Variants in CTNND2 observed in about 807,000 individuals in gnomAD.
CTNND2 encodes catenin delta-2.
CTNND2 carries 22 observed loss-of-function variants against 144.4 expected under a neutral mutation model. That is an observed-to-expected ratio of 0.15 (90% CI 0.11 to 0.22). CTNND2 has a LOEUF of 0.22. Ranked by LOEUF, CTNND2 falls within the 10% of genes least tolerant of loss-of-function variation. The pLI, the probability that CTNND2 is intolerant of heterozygous loss-of-function variation, is 1.00. For synonymous variants in CTNND2, 751 were observed against 695.6 expected (o/e 1.08, Z -1.25); for missense variants, 1,353 against 1,618.8 (o/e 0.84, Z 2.82).
chr5:11,592,999 G>A (rs1306874866), intron 2 of CTNND2, among the ~76,000 whole-genome samples: 1 of 151,882 alleles, frequency 6.6e-6, no homozygotes, highest in African/African-American at 2.4e-5. Context: ...GCAGTGCAGA[G>A]GGAAAGATAG....
chr5:11,110,401 C>A (rs1304004767), intron 14 of CTNND2, among the ~76,000 whole-genome samples: 2 of 152,174 alleles, frequency 1.3e-5, no homozygotes, highest in African/African-American at 2.4e-5. Flanking sequence ...AAGTGTGAGA[C>A]TGAAAATCTA....
intron 9 of CTNND2, among the ~76,000 whole-genome samples, chr5:11,336,366 CTATTAAA>C (rs1753726072): frequency 6.6e-6 from 1 of 152,094 alleles, no homozygotes; most frequent in Non-Finnish European, 1.5e-5. Flanking sequence ...ATGTGGATGC[CTATTAAA>C]TACATAAACA....
In CTNND2 at chr5:11,443,236, A is replaced by C. The variant is rs1244463555; in HGVS notation, c.288-31167T>G. On this transcript the variant is annotated intron_variant, in intron 3 of 21. Coordinates refer to ENST00000304623, the MANE Select transcript of CTNND2 (RefSeq NM_001332.4). Reference sequence around the variant, plus strand: ...TGTGTGTGGTGTGTATGTGTGTGTGATGTGTGTGTGTGTGTGCTGTGTGTG... The same window carrying C: ...TGTGTGTGGTGTGTATGTGTGTGTGCTGTGTGTGTGTGTGTGCTGTGTGTG... 1.4e-4 allele frequency among the ~76,000 whole-genome samples: 11 copies of C among 79,380 alleles called. No individual in the cohort carries two copies. The East Asian group carries it at 2.6e-3, about 19-fold the overall frequency. 52.1% of individuals were successfully genotyped at this position (79,380 alleles called of 152,430 possible).
chr5:11,185,701 CA>C (rs1735559605), intron 11 of CTNND2, among the ~76,000 whole-genome samples: 5 of 152,090 alleles, frequency 3.3e-5, no homozygotes, highest in Admixed American at 3.3e-4. Flanking sequence ...AACGGATAAC[CA>C]AAAAGGAAGT....
At chr5:11,169,837 T>C (rs1366089364) in intron 11 of CTNND2, among the ~76,000 whole-genome samples, 4 of 152,188 alleles carry the variant, frequency 2.6e-5, no homozygotes, top group African/African-American at 9.6e-5. Flanking sequence ...GTTCTACGGC[T>C]TTCAAAGAAA....
At chr5:11,409,511 T>C (rs1462602513) in intron 5 of CTNND2, among the ~76,000 whole-genome samples, 1 of 152,098 alleles carries the variant, frequency 6.6e-6, no homozygotes, top group Admixed American at 6.5e-5. Context: ...ATGTTCACAA[T>C]AATATTTTTC....
chr5:11,870,985 G>A (rs1188888075), intron 1 of CTNND2, among the ~76,000 whole-genome samples: 1 of 152,192 alleles, frequency 6.6e-6, no homozygotes, highest in African/African-American at 2.4e-5. Context: ...GGTATTTGGA[G>A]ACAGGGGTCT....
At chr5:11,514,435 T>C (rs1190861930) in intron 3 of CTNND2, among the ~76,000 whole-genome samples, 1 of 152,196 alleles carries the variant, frequency 6.6e-6, no homozygotes, top group Non-Finnish European at 1.5e-5. Flanking sequence ...TTTGATGGAT[T>C]TTGAGTTATT....
intron 3 of CTNND2, among the ~76,000 whole-genome samples, chr5:11,423,304 A>T (rs1762517425): frequency 6.6e-6 from 1 of 152,220 alleles, no homozygotes; most frequent in Non-Finnish European, 1.5e-5. Context: ...ATGTTGATTA[A>T]CTTGAACACT....
intron 1 of CTNND2, among the ~76,000 whole-genome samples, chr5:11,895,780 A>G (rs1291319812): frequency 6.6e-6 from 1 of 152,228 alleles, no homozygotes; most frequent in Non-Finnish European, 1.5e-5. Context: ...AGATAAATTG[A>G]GAAATGTGTA....
chr5:11,871,590 T>C (rs773485232), intron 1 of CTNND2, among the ~76,000 whole-genome samples: 2 of 152,196 alleles, frequency 1.3e-5, no homozygotes, highest in Non-Finnish European at 2.9e-5. Context: ...GAAAAGATAA[T>C]AAAATCTTTA....
chr5:11,684,086 A>ATTTATT (rs1438330981), intron 2 of CTNND2, among the ~76,000 whole-genome samples: 1 of 151,876 alleles, frequency 6.6e-6, no homozygotes, highest in African/African-American at 2.4e-5. Context: ...TTTACACATT[A>ATTTATT]TTTATTTTTA....
At chr5:11,118,809 T>A (rs761066253) in intron 12 of CTNND2, among the ~76,000 whole-genome samples, 3 of 152,224 alleles carry the variant, frequency 2.0e-5, no homozygotes, top group Non-Finnish European at 4.4e-5. Flanking sequence ...TGTAATAAAT[T>A]CTGTTTTACA....
At chr5:11,186,392 G>A (rs1277713891) in intron 11 of CTNND2, among the ~76,000 whole-genome samples, 3 of 152,152 alleles carry the variant, frequency 2.0e-5, no homozygotes, top group South Asian at 4.1e-4. Context: ...AAGTCAGAGG[G>A]GGATACAGGA....
At chr5:11,852,967 T>C (rs991155540) in intron 1 of CTNND2, among the ~76,000 whole-genome samples, 2 of 152,194 alleles carry the variant, frequency 1.3e-5, no homozygotes, top group Admixed American at 6.5e-5. Context: ...GTCTCTCTTT[T>C]GATGTTTTTC....
intron 9 of CTNND2, among the ~76,000 whole-genome samples, chr5:11,254,792 C>G (rs1481690167): frequency 6.6e-6 from 1 of 152,184 alleles, no homozygotes; most frequent in African/African-American, 2.4e-5. Flanking sequence ...GGGCAGCCTC[C>G]CTTCCCAACT....
At chr5:11,651,685 C>G (rs1330392202) in intron 2 of CTNND2, among the ~76,000 whole-genome samples, 9 of 152,180 alleles carry the variant, frequency 5.9e-5, no homozygotes, top group African/African-American at 2.2e-4. Context: ...TCACCATGGC[C>G]TGGATGTGAG....
chr5:11,421,011 G>T (rs1339137590), intron 3 of CTNND2, among the ~76,000 whole-genome samples: 1 of 151,934 alleles, frequency 6.6e-6, no homozygotes, highest in Non-Finnish European at 1.5e-5. Context: ...TTACCTTTAG[G>T]AAACTAGATC....
chr5:11,167,986 A>T (rs1469753453), intron 11 of CTNND2, among the ~76,000 whole-genome samples: 2 of 151,960 alleles, frequency 1.3e-5, no homozygotes, highest in Non-Finnish European at 2.9e-5. Flanking sequence ...GATTACAGGC[A>T]GGAGCCACTA....
Sources: gnomAD v4.1 joint callset for allele counts (sites outside exome capture counted in the v4.1 genomes callset) on GRCh38, gnomAD v4.1.1 for gene constraint, MANE v1.5 for transcripts, NCBI Gene and HGNC (gene_info 2026-07-23, HGNC 2026-07-21) for gene names.